Variants in SMPX observed in about 807,000 individuals in gnomAD.
SMPX encodes the protein small muscular protein.
A neutral mutation model predicts 6.3 loss-of-function variants in SMPX; 2 were observed. The ratio of observed to expected loss-of-function variants is 0.32; its 90% CI spans 0.13 to 0.99. The LOEUF (loss-of-function observed/expected upper bound fraction) is 0.99, where lower values mean the gene tolerates loss of function less well. Among genes scored for constraint, SMPX ranks in the 50% least tolerant of loss-of-function variants. The pLI, the probability that SMPX is intolerant of heterozygous loss-of-function variation, is 0.49. For synonymous variants in SMPX, 32 were observed against 24.7 expected (o/e 1.30, Z -0.88); for missense variants, 60 against 66.8 (o/e 0.90, Z 0.36).
intron 4 of SMPX, among the ~76,000 whole-genome samples, chrX:21,720,690 T>C (rs749217292): frequency 9.0e-6 from 1 of 111,729 alleles, no homozygotes; most frequent in Admixed American, 9.5e-5. Flanking sequence ...TGCTTGGGCA[T>C]TTATGAAATG....
At chrX:21,747,149 T>C (rs1388030066) in intron 2 of SMPX, among the ~76,000 whole-genome samples, 1 of 111,711 alleles carries the variant, frequency 9.0e-6, no homozygotes, top group Non-Finnish European at 1.9e-5. Flanking sequence ...AGAGTTGATA[T>C]TAGGATAGGC....
intron 4 of SMPX, among the ~76,000 whole-genome samples, chrX:21,709,836 A>G (rs903086812): frequency 1.8e-5 from 2 of 112,013 alleles, no homozygotes; most frequent in African/African-American, 6.5e-5. Flanking sequence ...CTTGAAGCTG[A>G]GGTATTCCTT....
chrX:21,718,039 T>G (rs771719492), intron 4 of SMPX, among the ~76,000 whole-genome samples: 1 of 112,080 alleles, frequency 8.9e-6, no homozygotes, highest in Non-Finnish European at 1.9e-5. Flanking sequence ...CGAAGGGTCA[T>G]GGGGAGCCGC....
At chrX:21,756,569 C>T (rs1036121757) in intron 1 of SMPX, among the ~76,000 whole-genome samples, 15 of 112,466 alleles carry the variant, frequency 1.3e-4, no homozygotes, top group Non-Finnish European at 2.8e-4. Context: ...TTCCTGCTGT[C>T]CTCATTATTT....
Position 21,731,830 on chromosome X carries a change from TTATA to T in SMPX, c.*14+5715_*14+5718del, listed in dbSNP as rs59393701. Among the ~76,000 whole-genome samples, 80 of 98,981 alleles carry T rather than the reference TTATA, an allele frequency of 8.1e-4. 1 individual carries two copies. Among genetic ancestry groups the T allele is most frequent in the East Asian group, 5.6e-3 (17 of 3,056 alleles). 86.0% of individuals were successfully genotyped at this position (98,981 alleles called of 115,157 possible). A position where few individuals can be genotyped will look rare whatever the true frequency, so the allele number is the denominator to read the frequency against. ...CACATACATAATGTATATATACACA[TTATA>T]TATATATATATATATGTTAGGTCTA... On this transcript the variant is annotated intron_variant, in intron 4 of 4. Coordinates refer to ENST00000379494, the MANE Select transcript of SMPX (RefSeq NM_014332.3).
At chrX:21,709,913 G>A (rs991574740) in intron 4 of SMPX, among the ~76,000 whole-genome samples, 1 of 112,029 alleles carries the variant, frequency 8.9e-6, no homozygotes, top group African/African-American at 3.2e-5. Flanking sequence ...CATGTTTTAT[G>A]AGGTGTGATT....
intron 4 of SMPX, among the ~76,000 whole-genome samples, chrX:21,726,605 C>T (rs1213828969): frequency 8.9e-6 from 1 of 111,939 alleles, no homozygotes; most frequent in Admixed American, 9.4e-5. Flanking sequence ...CTGGAACTAT[C>T]GGTGCCTGTT....
chrX:21,752,844 AT>A (rs2092828978), intron 2 of SMPX, among the ~76,000 whole-genome samples: 1 of 111,404 alleles, frequency 9.0e-6, no homozygotes. Context: ...CATTTTATAC[AT>A]GTAGCCCTAG....
chrX:21,729,398 T>C (rs1481223614), intron 4 of SMPX, among the ~76,000 whole-genome samples: 4 of 111,762 alleles, frequency 3.6e-5, no homozygotes, highest in Admixed American at 9.5e-5. Flanking sequence ...ATCCTTGGCA[T>C]TGTGGGATGT....
intron 4 of SMPX, among the ~76,000 whole-genome samples, chrX:21,732,600 G>T (rs1328833101): frequency 2.7e-5 from 3 of 112,248 alleles, no homozygotes; most frequent in Non-Finnish European, 5.6e-5. Flanking sequence ...CATGTGAATT[G>T]CAGCCTTTAA....
At chrX:21,719,897 T>C (rs1236115170) in intron 4 of SMPX, among the ~76,000 whole-genome samples, 1 of 112,329 alleles carries the variant, frequency 8.9e-6, no homozygotes, top group Non-Finnish European at 1.9e-5. Context: ...TTTGGTGTTT[T>C]AAATAAATGT....
rs769989261 is a variant in SMPX, at chrX:21,713,168, A to G, written c.*15-6774T>C. Among the ~76,000 whole-genome samples, 22 of 112,151 alleles carry G rather than the reference A, an allele frequency of 2.0e-4. 1 individual carries two copies. The South Asian group carries it at 7.9e-3, about 40-fold the overall frequency. Reference sequence around the variant, plus strand: ...TATTATGAGGCAAAGATATGACTATAAGGCTTTATAATCTTTTAAAATAGT... The same window carrying G: ...TATTATGAGGCAAAGATATGACTATGAGGCTTTATAATCTTTTAAAATAGT... On this transcript the variant is annotated intron_variant, in intron 4 of 4. Transcript: ENST00000379494.
chrX:21,715,260 CTCTGTGTGTG>C (rs1201030432), intron 4 of SMPX, among the ~76,000 whole-genome samples: 21 of 77,548 alleles, frequency 2.7e-4, no homozygotes, highest in African/African-American at 1.1e-3. Flanking sequence ...ACTCACTCTG[CTCTGTGTGTG>C]TGTGTGTGTG....
chrX:21,746,757 C>T (rs1306964353), intron 2 of SMPX, among the ~76,000 whole-genome samples: 2 of 106,535 alleles, frequency 1.9e-5, no homozygotes, highest in African/African-American at 3.5e-5. Flanking sequence ...GTATAAGAGG[C>T]GTGCTTTGTC....
At chrX:21,726,282 G>C (rs934787929) in intron 4 of SMPX, among the ~76,000 whole-genome samples, 2 of 112,077 alleles carry the variant, frequency 1.8e-5, no homozygotes, top group Non-Finnish European at 3.8e-5. Context: ...ACTCTGCTAT[G>C]ATCGCCCCAC....
intron 3 of SMPX, 150 bp from the exon 4 acceptor site, chrX:21,737,847 C>A: frequency 1.9e-6 from 1 of 537,235 alleles, no homozygotes; most frequent in South Asian, 2.9e-5. Context: ...GTTGAGACAG[C>A]CTTAGAGTTT....
At chrX:21,721,912 A>T (rs997665904) in intron 4 of SMPX, among the ~76,000 whole-genome samples, 1 of 111,762 alleles carries the variant, frequency 8.9e-6, no homozygotes, top group African/African-American at 3.3e-5. Flanking sequence ...CTGTCATTCC[A>T]GCACTTTGGG....
intron 2 of SMPX, among the ~76,000 whole-genome samples, chrX:21,753,244 C>T (rs1014571829): frequency 1.8e-5 from 2 of 111,718 alleles, no homozygotes; most frequent in African/African-American, 6.5e-5. Flanking sequence ...CACTTAAGAA[C>T]CCCTTCAGTT....
chrX:21,719,326 A>G lies in SMPX; in HGVS notation c.*15-12932T>C, dbSNP rs2092788862. ...CTGAGGCCAGGAGTTCGAGACCAGC[A>G]TGGCCAACATGGTGAAACCCCATCT... On this transcript the variant is annotated intron_variant, in intron 4 of 4. Coordinates refer to ENST00000379494, the MANE Select transcript of SMPX (RefSeq NM_014332.3). Among the ~76,000 whole-genome samples, 3 of 111,110 alleles carry G rather than the reference A, an allele frequency of 2.7e-5. No individual in the cohort carries two copies. In the South Asian group the frequency reaches 1.2e-3, roughly 43 times the overall value.
Sources: allele counts gnomAD v4.1 joint callset (sites outside exome capture counted in the v4.1 genomes callset), GRCh38; gene constraint gnomAD v4.1.1; transcripts MANE v1.5; gene names NCBI Gene and HGNC (gene_info 2026-07-23, HGNC 2026-07-21).